Variants in MAGI2 observed in about 807,000 individuals in gnomAD.
MAGI2 encodes the protein membrane-associated guanylate kinase, WW and PDZ domain-containing protein 2.
MAGI2 carries 35 observed loss-of-function variants against 133.3 expected under a neutral mutation model. The ratio of observed to expected loss-of-function variants is 0.26; its 90% confidence interval spans 0.20 to 0.35. The LOEUF (loss-of-function observed/expected upper bound fraction) is 0.35, where lower values mean the gene tolerates loss of function less well. MAGI2 is among the 10% of genes least tolerant of loss of function. MAGI2 has a pLI of 1.00. For missense variants in MAGI2, 1,636 were observed against 1,863.4 expected (o/e 0.88, Z 2.25); for synonymous variants, 729 against 710.6 (o/e 1.03, Z -0.41).
chr7:79,213,090 C>A (rs976213329), intron 1 of MAGI2, among the ~76,000 whole-genome samples: 3 of 151,868 alleles, frequency 2.0e-5, no homozygotes, highest in Non-Finnish European at 2.9e-5. Flanking sequence ...AGCAATAGTA[C>A]CACATGGTCA....
At chr7:78,940,248 A>G (rs964619208) in intron 2 of MAGI2, among the ~76,000 whole-genome samples, 1 of 152,190 alleles carries the variant, frequency 6.6e-6, no homozygotes, top group Admixed American at 6.5e-5. Flanking sequence ...ATTTAGAATG[A>G]CAGGTATTAC....
Position 78,575,394 on chromosome 7 carries a change from C to A in MAGI2, c.538+51726G>T, listed in dbSNP as rs149269896. 1.3e-3 allele frequency among the ~76,000 whole-genome samples: 197 copies of A among 152,222 alleles called. 2 individuals are homozygous for A. The highest frequency in any genetic ancestry group is 4.5e-3 in the African/African-American group (186 of 41,534). The stretch of plus-strand genomic sequence containing the variant: ...GAAAAATCTCCCGTATAGAAGAATT[C>A]TATTTAATGTATATAGATGCTGTTA... On this transcript the variant is annotated intron_variant, in intron 3 of 21. Transcript: ENST00000354212.
chr7:78,504,304 T>C (rs1270955285), intron 4 of MAGI2, among the ~76,000 whole-genome samples: 2 of 152,144 alleles, frequency 1.3e-5, no homozygotes, highest in African/African-American at 2.4e-5. Context: ...GGCTTAATTG[T>C]ATAATGGGGA....
At chr7:78,951,471 G>C (rs1461106485) in intron 2 of MAGI2, among the ~76,000 whole-genome samples, 1 of 152,130 alleles carries the variant, frequency 6.6e-6, no homozygotes, top group East Asian at 1.9e-4. Flanking sequence ...GAAAGGAGAA[G>C]TGCCAGCAGG....
At position 79,028,249 on chromosome 7, in the gene MAGI2, ATATATATATATATATATATG is replaced by A. The variant is rs1323914035; in HGVS notation, c.302-21063_302-21044del. ...TATATATGTATGTATATATATATAT[ATATATATATATATATATATG>A]TATGTATGTATATATATATATATGT... is the stretch of plus-strand genomic sequence containing the variant. On this transcript the variant is annotated intron_variant, in intron 1 of 21. Transcript: ENST00000354212. Among the ~76,000 whole-genome samples the A allele has an allele frequency of 1.7e-4, 5 of 28,720 alleles. 1 individual carries two copies. The highest frequency in any genetic ancestry group is 1.4e-3 in the Admixed American group (4 of 2,852). 18.8% of individuals were successfully genotyped at this position (28,720 alleles called of 152,430 possible).
At chr7:78,281,253 T>A (rs539763696) in intron 9 of MAGI2, among the ~76,000 whole-genome samples, 2 of 152,262 alleles carry the variant, frequency 1.3e-5, no homozygotes, top group Admixed American at 1.3e-4. Flanking sequence ...AAATACATAC[T>A]GATGTGGCTT....
chr7:78,607,592 CT>C (rs1308292919), intron 3 of MAGI2, among the ~76,000 whole-genome samples: 1 of 152,060 alleles, frequency 6.6e-6, no homozygotes, highest in Non-Finnish European at 1.5e-5. Context: ...AAGATCCACC[CT>C]ACCCTATGAC....
chr7:79,315,185 A>T (rs1324337950), intron 1 of MAGI2, among the ~76,000 whole-genome samples: 3 of 139,280 alleles, frequency 2.2e-5, no homozygotes, highest in Non-Finnish European at 4.6e-5. Context: ...TTTTAAGGTG[A>T]AGTCTCGCTG....
chr7:78,475,671 A>C (rs12705477), intron 6 of MAGI2, among the ~76,000 whole-genome samples: 32,393 of 151,722 alleles, frequency 0.21, 4,138 homozygotes, highest in African/African-American at 0.36. Context: ...ACTTAAATGT[A>C]TTCATAATAG....
chr7:78,509,477 G>A (rs1470560212), intron 4 of MAGI2: 1 of 152,102 alleles, frequency 6.6e-6, no homozygotes, highest in Non-Finnish European at 1.5e-5. Context: ...TCAAAGATCT[G>A]TACATAGTGC....
In MAGI2 at chr7:78,019,318, T is replaced by C. The variant is rs772257678; in HGVS notation, c.4365A>G (p.Arg1455=). Residue 1455 remains arginine, a synonymous_variant, in exon 22 of 22, where the codon AGA becomes AGG. Coordinates refer to ENST00000354212, the MANE Select transcript of MAGI2 (RefSeq NM_012301.4). The part of the protein sequence containing the change: ...VLKPGASAAS[R] ...GGGTTGGCCGTGGCCGCGCGGCTCA[T>C]CTGCTGGCGGCCGAGGCGCCGGGTT... The C allele has an allele frequency of 8.7e-5, 136 of 1,559,682 alleles. 2 individuals carry two copies. In the South Asian group the frequency reaches 1.4e-3, roughly 17 times the overall value.
chr7:78,100,190 C>A (rs1036140510), intron 20 of MAGI2, among the ~76,000 whole-genome samples: 22 of 152,156 alleles, frequency 1.4e-4, no homozygotes, highest in Admixed American at 1.3e-3. Context: ...TGGTGCTCCT[C>A]TCAGAGTGTC....
chr7:78,080,969 C>T (rs1174000058), intron 20 of MAGI2, among the ~76,000 whole-genome samples: 1 of 152,190 alleles, frequency 6.6e-6, no homozygotes, highest in African/African-American at 2.4e-5. Context: ...TCCCGCCAAC[C>T]TCTTTTCATT....
chr7:78,411,469 A>G (rs1030704650), intron 6 of MAGI2, among the ~76,000 whole-genome samples: 1 of 152,072 alleles, frequency 6.6e-6, no homozygotes, highest in Non-Finnish European at 1.5e-5. Flanking sequence ...AATGATACAC[A>G]TGTTATAGCT....
intron 2 of MAGI2, among the ~76,000 whole-genome samples, chr7:78,891,123 T>C (rs1162774429): frequency 6.6e-6 from 1 of 151,908 alleles, no homozygotes; most frequent in African/African-American, 2.4e-5. Context: ...GACTAGAAAA[T>C]CTAGAAGAAA....
At chr7:78,741,389 A>ACT (rs1822410135) in intron 2 of MAGI2, among the ~76,000 whole-genome samples, 2 of 86,786 alleles carry the variant, frequency 2.3e-5, no homozygotes, top group Non-Finnish European at 5.0e-5. Context: ...ACACACACAC[A>ACT]CACACACACA....
chr7:78,141,171 A>G (rs1054605530), intron 16 of MAGI2, among the ~76,000 whole-genome samples: 1 of 152,038 alleles, frequency 6.6e-6, no homozygotes, highest in Non-Finnish European at 1.5e-5. Context: ...CTGCCCTCAT[A>G]ATTATTGCTT....
intron 2 of MAGI2, among the ~76,000 whole-genome samples, chr7:78,631,884 C>G: frequency 6.6e-6 from 1 of 152,186 alleles, no homozygotes; most frequent in East Asian, 1.9e-4. Flanking sequence ...AGTATTACCT[C>G]GAGCAAGGTT....
intron 2 of MAGI2, among the ~76,000 whole-genome samples, chr7:78,962,997 C>G (rs1299877178): frequency 6.6e-6 from 1 of 151,992 alleles, no homozygotes; most frequent in Non-Finnish European, 1.5e-5. Flanking sequence ...TATTTATAAG[C>G]TTTAAGTATT....
Sources: gnomAD v4.1 joint callset for allele counts (sites outside exome capture counted in the v4.1 genomes callset) on GRCh38, gnomAD v4.1.1 for gene constraint, MANE v1.5 for transcripts, NCBI Gene and HGNC (gene_info 2026-07-23, HGNC 2026-07-21) for gene names.